Variants in GRM8 observed in about 807,000 individuals in gnomAD.
The protein encoded by GRM8 is metabotropic glutamate receptor 8.
In GRM8, 47 loss-of-function variants were observed where a neutral mutation model predicts 87.2. That is an observed-to-expected ratio of 0.54 (90% CI 0.43 to 0.69). GRM8 has a LOEUF of 0.69. Among genes scored for constraint, GRM8 ranks in the 30% least tolerant of loss-of-function variants. The pLI is 0.00. For missense variants in GRM8, 1,019 were observed against 1,139.2 expected, an observed-to-expected ratio of 0.89 and a Z score of 1.52; for synonymous variants, 396 against 404.5, an observed-to-expected ratio of 0.98 and a Z score of 0.25.
intron 3 of GRM8, among the ~76,000 whole-genome samples, chr7:127,015,731 T>C (rs538142784): frequency 5.3e-4 from 81 of 152,214 alleles, no homozygotes; most frequent in Admixed American, 3.2e-3. Context: ...GCACCAGGAC[T>C]GGTTGTTACT....
In GRM8 at chr7:126,827,169, T is replaced by G. The variant is rs1342879466; in HGVS notation, c.1157-57104A>C. Among the ~76,000 whole-genome samples the G allele has an allele frequency of 3.3e-5, 5 of 152,346 alleles. No individual in the cohort carries two copies. In the East Asian group the frequency reaches 9.6e-4, roughly 29 times the overall value. On this transcript the variant is annotated intron_variant, in intron 6 of 10. Coordinates refer to ENST00000339582, the MANE Select transcript of GRM8 (RefSeq NM_000845.3). ...TAGCGTGATGCCTTCAGCTTTGTTC[T>G]TTTGGCTTAGGATTGACTTGGTGAT... is the stretch of plus-strand genomic sequence containing the variant.
Position 126,602,564 on chromosome 7 carries a change from A to G in GRM8, c.1494+6798T>C, listed in dbSNP as rs547026603. ...ACCGTATTGATTCTTCCTACCCATGAGCATGGAATGTTCTTCCATTTGTTT... is the reference window on the plus strand; with the variant it reads ...ACCGTATTGATTCTTCCTACCCATGGGCATGGAATGTTCTTCCATTTGTTT... On this transcript the variant is annotated intron_variant, in intron 8 of 10. Transcript: ENST00000339582. Among the ~76,000 whole-genome samples, 1,311 of 142,304 alleles carry G rather than the reference A, an allele frequency of 9.2e-3. 20 individuals are homozygous for G. The highest frequency in any genetic ancestry group is 0.031 in the African/African-American group (1,229 of 39,496). The allele number at this position is 142,304 out of a possible 152,430, so 93.4% of individuals were successfully genotyped here. A position where few individuals can be genotyped will look rare whatever the true frequency, so the allele number is the denominator to read the frequency against.
intron 7 of GRM8, among the ~76,000 whole-genome samples, chr7:126,748,069 A>C (rs569090839): frequency 6.6e-6 from 1 of 152,162 alleles, no homozygotes; most frequent in African/African-American, 2.4e-5. Context: ...TAAAAAATGT[A>C]ATTATTTCTG....
chr7:126,727,385 AT>A (rs1248939632), intron 7 of GRM8, among the ~76,000 whole-genome samples: 2 of 152,038 alleles, frequency 1.3e-5, no homozygotes, highest in Non-Finnish European at 2.9e-5. Flanking sequence ...ATAATGTAAG[AT>A]TTTTAAATAT....
chr7:126,895,385 T>C (rs1046812294), intron 6 of GRM8, among the ~76,000 whole-genome samples: 17 of 152,046 alleles, frequency 1.1e-4, no homozygotes, highest in Non-Finnish European at 1.9e-4. Context: ...TTACTCAAAG[T>C]ATACCCTAGA....
intron 6 of GRM8, among the ~76,000 whole-genome samples, chr7:126,807,855 T>C (rs1473284131): frequency 6.6e-6 from 1 of 152,114 alleles, no homozygotes; most frequent in African/African-American, 2.4e-5. Context: ...TTTAGACTAT[T>C]TTGAGTGCCT....
chr7:126,990,334 T>TA (rs377180747), intron 3 of GRM8, among the ~76,000 whole-genome samples: 5,337 of 142,890 alleles, frequency 0.037, 296 homozygotes, highest in African/African-American at 0.12. Flanking sequence ...CTTTCATGAT[T>TA]AAAAAAAAAA....
chr7:127,060,087 C>T (rs1027738009), intron 3 of GRM8, among the ~76,000 whole-genome samples: 18 of 152,130 alleles, frequency 1.2e-4, no homozygotes, highest in African/African-American at 4.1e-4. Context: ...CTAGACATAA[C>T]AAAAGAATAA....
At chr7:126,761,090 G>A (rs1322470604) in intron 7 of GRM8, among the ~76,000 whole-genome samples, 2 of 151,964 alleles carry the variant, frequency 1.3e-5, no homozygotes, top group Admixed American at 6.6e-5. Flanking sequence ...CCCAGCCACT[G>A]GGGACGCTGA....
intron 9 of GRM8, among the ~76,000 whole-genome samples, chr7:126,449,329 C>A (rs1345659622): frequency 6.6e-6 from 1 of 151,818 alleles, no homozygotes; most frequent in African/African-American, 2.4e-5. Flanking sequence ...ACAGTAAGTT[C>A]TTATCTATGT....
At chr7:127,029,886 T>C (rs1293836784) in intron 3 of GRM8, among the ~76,000 whole-genome samples, 1 of 152,060 alleles carries the variant, frequency 6.6e-6, no homozygotes, top group Admixed American at 6.6e-5. Flanking sequence ...GCACAATTGA[T>C]CAAAAAGTAC....
chr7:126,778,915 T>C (rs919787030), intron 6 of GRM8, among the ~76,000 whole-genome samples: 6 of 151,502 alleles, frequency 4.0e-5, no homozygotes, highest in African/African-American at 1.5e-4. Flanking sequence ...AAGAAGAAAA[T>C]AAAAAAAAAT....
At chr7:127,138,408 A>G (rs1369798496) in intron 2 of GRM8, among the ~76,000 whole-genome samples, 2 of 152,204 alleles carry the variant, frequency 1.3e-5, no homozygotes, top group Admixed American at 1.3e-4. Flanking sequence ...GTATTTTCAT[A>G]AGCACTCCAA....
intron 3 of GRM8, among the ~76,000 whole-genome samples, chr7:127,088,872 AC>A (rs1823764905): frequency 6.6e-6 from 1 of 152,186 alleles, no homozygotes; most frequent in Non-Finnish European, 1.5e-5. Context: ...AGTGAATAGC[AC>A]CTTCCCCAGG....
chr7:126,452,253 G>C (rs977964496), intron 9 of GRM8, among the ~76,000 whole-genome samples: 8 of 142,542 alleles, frequency 5.6e-5, no homozygotes, highest in South Asian at 2.4e-4. Context: ...TTGGACCCAG[G>C]AAGGGGAACA....
chr7:127,055,327 T>C (rs894966099), intron 3 of GRM8, among the ~76,000 whole-genome samples: 4 of 152,066 alleles, frequency 2.6e-5, no homozygotes, highest in Non-Finnish European at 5.9e-5. Context: ...TCCAAAGAGG[T>C]CAAATGAGAA....
chr7:126,804,291 G>A (rs537023151), intron 6 of GRM8, among the ~76,000 whole-genome samples: 7 of 152,180 alleles, frequency 4.6e-5, no homozygotes, highest in East Asian at 1.9e-4. Context: ...ACTTCTTTTC[G>A]TTATCTTTCC....
rs61755398 is a variant in GRM8 at position 126,770,068 on chromosome 7, G to T, written c.1157-3C>A. The T allele has an allele frequency of 9.0e-3, 14,458 of 1,603,292 alleles. 1,182 individuals carry two copies. In the African/African-American group the frequency reaches 0.17, roughly 19 times the overall value. On this transcript the variant is annotated splice_region_variant and splice_polypyrimidine_tract_variant and intron_variant, in intron 6 of 10. Transcript: ENST00000339582. ...ATCCCGAGCAATTCGCTCCAGCCCTGCAAAATAAAAAAGTAAAAACCATCA... is the reference window on the plus strand; with the variant it reads ...ATCCCGAGCAATTCGCTCCAGCCCTTCAAAATAAAAAAGTAAAAACCATCA...
chr7:127,014,009 A>C (rs540047172), intron 3 of GRM8, among the ~76,000 whole-genome samples: 1 of 152,320 alleles, frequency 6.6e-6, no homozygotes, highest in East Asian at 1.9e-4. Context: ...GTAGATGAGA[A>C]GACTCTTGGT....
Sources: gnomAD v4.1 joint callset for allele counts (sites outside exome capture counted in the v4.1 genomes callset) on GRCh38, gnomAD v4.1.1 for gene constraint, MANE v1.5 for transcripts, NCBI Gene and HGNC (gene_info 2026-07-23, HGNC 2026-07-21) for gene names.